PUS10: variants seen among roughly 807,000 people sequenced by gnomAD.
PUS10 encodes tRNA pseudouridine synthase Pus10.
A neutral mutation model predicts 75.0 loss-of-function variants in PUS10; 59 were observed. The observed-to-expected ratio is 0.79, with a 90% CI of 0.64 to 0.98. The LOEUF (loss-of-function observed/expected upper bound fraction) is 0.98, where lower values mean the gene tolerates loss of function less well. Among genes scored for constraint, PUS10 ranks in the 50% least tolerant of loss-of-function variants. PUS10 has a pLI of 0.00. For missense variants in PUS10, 650 were observed against 614.4 expected, an observed-to-expected ratio of 1.06 and a Z score of -0.61; for synonymous variants, 219 against 211.6, an observed-to-expected ratio of 1.03 and a Z score of -0.30.
Position 60,949,632 on chromosome 2 carries a change from C to T in PUS10, c.1309-1447G>A, listed in dbSNP as rs561129189. On this transcript the variant is annotated intron_variant, in intron 15 of 17. Transcript: ENST00000316752. ...AGTAGTAAATTTGAAATGACTTTTTCTCAGAATGGGGAATTTAGTCAGTTT... is the reference window on the plus strand; with the variant it reads ...AGTAGTAAATTTGAAATGACTTTTTTTCAGAATGGGGAATTTAGTCAGTTT... Among the ~76,000 whole-genome samples the T allele has an allele frequency of 2.2e-4, 34 of 151,992 alleles. No individual in the cohort carries two copies. The Middle Eastern group carries it at 0.017, about 76-fold the overall frequency.
At chr2:60,946,530 A>G (rs993868351) in intron 16 of PUS10, among the ~76,000 whole-genome samples, 2 of 152,366 alleles carry the variant, frequency 1.3e-5, no homozygotes, top group East Asian at 3.9e-4. Context: ...ACTTTTAAAA[A>G]TATATACATG....
intron 4 of PUS10, among the ~76,000 whole-genome samples, chr2:60,971,865 CTTTT>C (rs756222357): frequency 4.0e-5 from 4 of 99,638 alleles, no homozygotes; most frequent in Non-Finnish European, 7.8e-5. Context: ...TCTTTCTTCT[CTTTT>C]TTTTTTTTTT....
intron 10 of PUS10, 148 bp downstream of exon 10, chr2:60,961,315 A>G: frequency 1.5e-6 from 1 of 670,512 alleles, no homozygotes; most frequent in Non-Finnish European, 2.7e-6. Context: ...ACCTAAAATA[A>G]GTTTGGCTAT....
At chr2:60,999,639 TA>T (rs1678717032) in intron 4 of PUS10, among the ~76,000 whole-genome samples, 1 of 152,054 alleles carries the variant, frequency 6.6e-6, no homozygotes, top group South Asian at 2.1e-4. Flanking sequence ...AACACTATAA[TA>T]AGTATTTTTC....
intron 16 of PUS10, 66 bp from the exon 17 acceptor site, chr2:60,945,174 G>C: frequency 1.0e-6 from 1 of 967,932 alleles, no homozygotes; most frequent in Non-Finnish European, 1.7e-6. Context: ...AGATTTGACA[G>C]GCAAAAATAA....
intron 11 of PUS10, among the ~76,000 whole-genome samples, chr2:60,956,976 A>G (rs1416387187): frequency 1.7e-5 from 2 of 120,736 alleles, no homozygotes; most frequent in Non-Finnish European, 3.5e-5. Context: ...CTCCATCTCA[A>G]AAAAAAAAAA....
At chr2:61,013,539 G>T (rs1206709495) in intron 1 of PUS10, among the ~76,000 whole-genome samples, 2 of 152,152 alleles carry the variant, frequency 1.3e-5, no homozygotes, top group Non-Finnish European at 2.9e-5. Context: ...CATTCTGAAG[G>T]CTCCTGTGTA....
chr2:60,978,891 C>T (rs1677206107), intron 4 of PUS10, among the ~76,000 whole-genome samples: 1 of 152,236 alleles, frequency 6.6e-6, no homozygotes, highest in Non-Finnish European at 1.5e-5. Flanking sequence ...ATTGGCAGGA[C>T]TTGCTGATTG....
Position 60,954,175 on chromosome 2 carries a change from C to T in PUS10, c.1058-17G>A, listed in dbSNP as rs370515910. ...AGGGCCTTCCTGGCAGCACACACCC[C>T]GTCATGAAACAGAAACGTGTTGATG... On this transcript the variant is annotated splice_polypyrimidine_tract_variant and intron_variant, in intron 12 of 17. Coordinates refer to ENST00000316752, the MANE Select transcript of PUS10 (RefSeq NM_144709.4). 2.0e-5 allele frequency: 32 copies of T among 1,613,014 alleles called. No individual in the cohort carries two copies. The highest frequency in any genetic ancestry group is 2.6e-5 in the Non-Finnish European group (31 of 1,179,184).
intron 3 of PUS10, 149 bp from the exon 4 acceptor site, chr2:61,006,792 T>C (rs1020131149): frequency 1.9e-5 from 12 of 620,680 alleles, no homozygotes; most frequent in African/African-American, 5.6e-5. Context: ...CACAAATATC[T>C]TGAGATTAAA....
intron 4 of PUS10, among the ~76,000 whole-genome samples, chr2:60,988,317 G>C (rs755849133): frequency 2.0e-5 from 3 of 151,944 alleles, no homozygotes; most frequent in Non-Finnish European, 4.4e-5. Flanking sequence ...TTGCCAAAAA[G>C]AATATAAACT....
chr2:61,010,911 T>C (rs1268834406), intron 2 of PUS10: 4 of 1,546,816 alleles, frequency 2.6e-6, no homozygotes, highest in Middle Eastern at 3.6e-4. Context: ...ACAATCATAG[T>C]ATGTACTTAC....
chr2:60,943,275 C>T (rs1674730779), intron 17 of PUS10, among the ~76,000 whole-genome samples: 1 of 152,046 alleles, frequency 6.6e-6, no homozygotes, highest in African/African-American at 2.4e-5. Flanking sequence ...GATTAAGGAT[C>T]TTTGTGCTTC....
intron 4 of PUS10, among the ~76,000 whole-genome samples, chr2:60,992,821 A>T (rs962677337): frequency 6.6e-6 from 1 of 152,334 alleles, no homozygotes; most frequent in Admixed American, 6.5e-5. Flanking sequence ...CAACCAGTTT[A>T]GAGAGAAACT....
At position 60,965,496 on chromosome 2, in the gene PUS10, AAAG is replaced by A; in HGVS notation, c.616-15_616-13del. 6.3e-7 allele frequency: 1 copy of A among 1,590,712 alleles called. No homozygotes were observed. On this transcript the variant is annotated splice_polypyrimidine_tract_variant and intron_variant, in intron 6 of 17. Transcript: ENST00000316752. ...ACTTCAAACAAGCTCTAAAAATTAT[AAAG>A]ACAGTTTAAAAATGAGCAAAAGGAA...
chr2:61,003,853 T>A (rs2564113), intron 4 of PUS10, among the ~76,000 whole-genome samples: 81,770 of 151,896 alleles, frequency 0.54, 25,327 homozygotes, highest in African/African-American at 0.84. Flanking sequence ...TTTAATTTTT[T>A]AAAAAACTTT....
Position 61,006,429 on chromosome 2 carries a change from T to C in PUS10, c.468+128A>G, listed in dbSNP as rs1679215122. Reference sequence around the variant, plus strand: ...ATTTATTAAGCAGCTATAAATTGCTTCAATCATTCAATAAGTAGACAAAAT... The same window carrying C: ...ATTTATTAAGCAGCTATAAATTGCTCCAATCATTCAATAAGTAGACAAAAT... On this transcript the variant is annotated intron_variant, in intron 4 of 17. Transcript: ENST00000316752. 11 of 683,572 alleles carry C rather than the reference T, an allele frequency of 1.6e-5. No individual in the cohort carries two copies. The South Asian group carries it at 2.1e-4, about 13-fold the overall frequency. The allele number at this position is 683,572 out of a possible 1,614,324, so 42.3% of individuals were successfully genotyped here.
chr2:61,016,708 T>C (rs1680004133), intron 1 of PUS10, among the ~76,000 whole-genome samples: 1 of 152,138 alleles, frequency 6.6e-6, no homozygotes, highest in Admixed American at 6.5e-5. Flanking sequence ...GGAAGGACTT[T>C]ATTTTCACCT....
chr2:61,008,797 A>C lies in PUS10; in HGVS notation c.345T>G (p.Ile115Met), dbSNP rs766802451. 1 of 1,590,520 alleles carries C rather than the reference A, an allele frequency of 6.3e-7. No individual in the cohort carries two copies. The highest frequency in any genetic ancestry group is 1.4e-5 in the African/African-American group (1 of 73,858). Residue 115 changes from isoleucine to methionine, a missense_variant, in exon 3 of 18, where the codon ATT becomes ATG. Coordinates refer to ENST00000316752, the MANE Select transcript of PUS10 (RefSeq NM_144709.4). The part of the protein sequence containing the change: ...NLNVCNVCLG[I>M]LQEFCEKDFI... ...AATCTTTCTCACAGAATTCTTGAAG[A>C]ATTCCTAGGCATACATTACATACAT...
Sources: gnomAD v4.1 joint callset for allele counts (sites outside exome capture counted in the v4.1 genomes callset) on GRCh38, gnomAD v4.1.1 for gene constraint, MANE v1.5 for transcripts, NCBI Gene and HGNC (gene_info 2026-07-23, HGNC 2026-07-21) for gene names.